Variants in EEF1AKMT1 observed in about 807,000 individuals in gnomAD.
EEF1AKMT1 encodes EEF1A lysine methyltransferase 1.
A neutral mutation model predicts 21.0 loss-of-function variants in EEF1AKMT1; 18 were observed. The observed-to-expected ratio is 0.86, with a 90% CI of 0.59 to 1.27. The LOEUF is 1.27. Ranked by LOEUF, EEF1AKMT1 falls within the 50% of genes most tolerant of loss-of-function variation. The pLI is 0.00. For synonymous variants in EEF1AKMT1, 109 were observed against 94.8 expected (o/e 1.15, Z -0.87); for missense variants, 246 against 258.6 (o/e 0.95, Z 0.33).
At position 20,743,930 on chromosome 13, in the gene EEF1AKMT1, G is replaced by A. The variant is rs181771961; in HGVS notation, c.145-6125C>T. 8.0e-4 allele frequency among the ~76,000 whole-genome samples: 122 copies of A among 152,160 alleles called. 1 individual carries two copies. Among genetic ancestry groups the A allele is most frequent in the Non-Finnish European group, 6.5e-4 (44 of 68,020 alleles). On this transcript the variant is annotated intron_variant, in intron 2 of 4. Coordinates refer to ENST00000382758, the MANE Select transcript of EEF1AKMT1 (RefSeq NM_001318939.2). ...CTCATTGTTCAATTCCCACTTATGA[G>A]TGAGAACAAGCGGTGTTTGGTTTTC...
chr13:20,736,443 G>A (rs2058826730), intron 3 of EEF1AKMT1, among the ~76,000 whole-genome samples: 1 of 152,092 alleles, frequency 6.6e-6, no homozygotes. Context: ...TGCCACCATG[G>A]TAAGGCTGTA....
chr13:20,739,457 A>G (rs544343361), intron 2 of EEF1AKMT1, among the ~76,000 whole-genome samples: 2 of 152,228 alleles, frequency 1.3e-5, no homozygotes, highest in South Asian at 4.2e-4. Flanking sequence ...TTTTACAGAG[A>G]GCTGATTGGC....
intron 1 of EEF1AKMT1, among the ~76,000 whole-genome samples, chr13:20,761,444 G>A (rs2059001179): frequency 6.6e-6 from 1 of 152,118 alleles, no homozygotes; most frequent in Non-Finnish European, 1.5e-5. Context: ...CCATAGTATG[G>A]CCACACTTAA....
intron 1 of EEF1AKMT1, among the ~76,000 whole-genome samples, chr13:20,758,976 G>A (rs1472195632): frequency 1.3e-5 from 2 of 152,182 alleles, no homozygotes; most frequent in African/African-American, 4.8e-5. Flanking sequence ...ATTTGCAGAA[G>A]AGTAAAACTG....
chr13:20,759,407 G>A (rs558292889), intron 1 of EEF1AKMT1, among the ~76,000 whole-genome samples: 6 of 152,028 alleles, frequency 3.9e-5, no homozygotes, highest in African/African-American at 1.4e-4. Flanking sequence ...GTGAAACCCC[G>A]TCTCTACTAA....
At chr13:20,736,440 A>G (rs1393923694) in intron 3 of EEF1AKMT1, among the ~76,000 whole-genome samples, 1 of 152,100 alleles carries the variant, frequency 6.6e-6, no homozygotes, top group East Asian at 1.9e-4. Flanking sequence ...GTATGCCACC[A>G]TGGTAAGGCT....
chr13:20,729,290 G>A lies in EEF1AKMT1; in HGVS notation c.509-74C>T, dbSNP rs1237548323. On this transcript the variant is annotated intron_variant, in intron 4 of 4. Coordinates refer to ENST00000382758, the MANE Select transcript of EEF1AKMT1 (RefSeq NM_001318939.2). ...GCTCAGTGCGTCCTGAGCTGTGAGA[G>A]GGGCTCTAGGCGGACCACCGGTGGC... 9 of 1,584,262 alleles carry A rather than the reference G, an allele frequency of 5.7e-6. No individual in the cohort carries two copies. In the Admixed American group the frequency reaches 1.3e-4, roughly 24 times the overall value.
intron 2 of EEF1AKMT1, among the ~76,000 whole-genome samples, chr13:20,738,923 A>G (rs1182648716): frequency 6.6e-6 from 1 of 152,206 alleles, no homozygotes; most frequent in Non-Finnish European, 1.5e-5. Context: ...TGTGTCCGGA[A>G]TTGGTGGGTT....
intron 3 of EEF1AKMT1, among the ~76,000 whole-genome samples, chr13:20,734,834 A>C (rs1307430325): frequency 6.6e-6 from 1 of 152,194 alleles, no homozygotes; most frequent in Non-Finnish European, 1.5e-5. Context: ...AAGTATATCT[A>C]AAAGCAGTGT....
chr13:20,773,612 G>C (rs1459573093), intron 1 of EEF1AKMT1, among the ~76,000 whole-genome samples: 1 of 152,262 alleles, frequency 6.6e-6, no homozygotes, highest in African/African-American at 2.4e-5. Context: ...TAGCCTGGGG[G>C]TTAATTTCCC....
intron 1 of EEF1AKMT1, among the ~76,000 whole-genome samples, chr13:20,763,608 C>T (rs1173546554): frequency 6.6e-6 from 1 of 152,014 alleles, no homozygotes; most frequent in Non-Finnish European, 1.5e-5. Context: ...GCCTACCACC[C>T]ACCCTGGCTA....
At chr13:20,749,002 T>C (rs1018702934) in intron 2 of EEF1AKMT1, among the ~76,000 whole-genome samples, 1 of 152,194 alleles carries the variant, frequency 6.6e-6, no homozygotes, top group African/African-American at 2.4e-5. Context: ...GTGGGTAGAA[T>C]TACAGGCGTG....
chr13:20,751,373 C>G (rs904425277), intron 2 of EEF1AKMT1, among the ~76,000 whole-genome samples: 5 of 152,168 alleles, frequency 3.3e-5, no homozygotes, highest in Admixed American at 2.0e-4. Flanking sequence ...GGTCCTGTTT[C>G]ATTCTTCTGC....
intron 1 of EEF1AKMT1, among the ~76,000 whole-genome samples, chr13:20,762,292 C>T (rs2059005391): frequency 6.6e-6 from 1 of 151,608 alleles, no homozygotes; most frequent in African/African-American, 2.4e-5. Flanking sequence ...AAGCGATTCT[C>T]CCTGCTTCAG....
chr13:20,773,386 C>G (rs1426578754), intron 1 of EEF1AKMT1, among the ~76,000 whole-genome samples: 2 of 152,190 alleles, frequency 1.3e-5, no homozygotes, highest in African/African-American at 4.8e-5. Flanking sequence ...CGCCCGCGTC[C>G]TAGTCTACTC....
intron 2 of EEF1AKMT1, chr13:20,747,228 C>T: frequency 4.3e-6 from 1 of 230,486 alleles, no homozygotes; most frequent in Non-Finnish European, 8.6e-6. Flanking sequence ...GCAGGTATGG[C>T]AACAAACTCC....
chr13:20,739,518 CA>C (rs1170247054), intron 2 of EEF1AKMT1, among the ~76,000 whole-genome samples: 1 of 152,120 alleles, frequency 6.6e-6, no homozygotes, highest in East Asian at 1.9e-4. Flanking sequence ...CTGATTGGTG[CA>C]TTTACAAACC....
chr13:20,773,673 G>C (rs777266307), intron 1 of EEF1AKMT1, among the ~76,000 whole-genome samples: 80 of 152,346 alleles, frequency 5.3e-4, no homozygotes, highest in Non-Finnish European at 2.1e-4. Context: ...CGCGGCACAG[G>C]ACGCGGCGCC....
At chr13:20,751,592 G>C (rs1189559536) in intron 2 of EEF1AKMT1, among the ~76,000 whole-genome samples, 1 of 152,006 alleles carries the variant, frequency 6.6e-6, no homozygotes, top group African/African-American at 2.4e-5. Context: ...CAGGTAGTGT[G>C]ATGCCTCCAC....
Sources: allele counts gnomAD v4.1 joint callset (sites outside exome capture counted in the v4.1 genomes callset), GRCh38; gene constraint gnomAD v4.1.1; transcripts MANE v1.5; gene names NCBI Gene and HGNC (gene_info 2026-07-23, HGNC 2026-07-21).